TAOK1: variants seen among roughly 807,000 people sequenced by gnomAD.
TAOK1 encodes serine/threonine-protein kinase TAO1.
TAOK1 carries 21 observed loss-of-function variants against 138.3 expected under a neutral mutation model. The ratio of observed to expected loss-of-function variants is 0.15; its 90% CI spans 0.11 to 0.22. The LOEUF is 0.22. Among genes scored for constraint, TAOK1 ranks in the 10% least tolerant of loss-of-function variants. The pLI is 1.00. For synonymous variants in TAOK1, 361 were observed against 398.4 expected (o/e 0.91, Z 1.12); for missense variants, 651 against 1,227.7 (o/e 0.53, Z 7.02).
At chr17:29,522,549 G>A (rs1277560837) in intron 17 of TAOK1, 30 bp downstream of exon 17, 1 of 1,611,368 alleles carries the variant, frequency 6.2e-7, no homozygotes, top group Non-Finnish European at 8.5e-7. Context: ...TTTGATAACA[G>A]GGAGGAGAAT....
At position 29,516,932 on chromosome 17, in the gene TAOK1, C is replaced by T. The variant is rs144976394; in HGVS notation, c.1705-521C>T. Among the ~76,000 whole-genome samples the T allele has an allele frequency of 1.1e-3, 164 of 152,202 alleles. 3 individuals are homozygous for T. In the East Asian group the frequency reaches 0.029, roughly 27 times the overall value. ...CTGCCTCCTGGGCTCAAGCAATTCT[C>T]CTGCCTCAGCCTGCTGAGTAGCTGG... On this transcript the variant is annotated intron_variant, in intron 15 of 19. Transcript: ENST00000261716.
intron 2 of TAOK1, among the ~76,000 whole-genome samples, chr17:29,463,047 T>C (rs566558301): frequency 6.6e-6 from 1 of 152,344 alleles, no homozygotes; most frequent in East Asian, 1.9e-4. Context: ...TACTTTCTAC[T>C]AGAACATTCC....
intron 1 of TAOK1, among the ~76,000 whole-genome samples, chr17:29,446,210 C>G (rs1360731773): frequency 6.6e-6 from 1 of 152,104 alleles, no homozygotes; most frequent in Non-Finnish European, 1.5e-5. Context: ...CTGCTTCCTC[C>G]CAAATAACCA....
chr17:29,502,130 C>A (rs2031541628), intron 12 of TAOK1, among the ~76,000 whole-genome samples: 1 of 152,200 alleles, frequency 6.6e-6, no homozygotes, highest in Non-Finnish European at 1.5e-5. Context: ...CAAATAATTT[C>A]TTCTAATTAT....
intron 18 of TAOK1, among the ~76,000 whole-genome samples, chr17:29,533,829 T>TGGAAAGAGAGGGAGAGGGAGACCGG (rs1278762568): frequency 1.1e-4 from 11 of 102,360 alleles, no homozygotes; most frequent in Admixed American, 3.5e-4. Context: ...AGGGAGACCG[T>TGGAAAGAGAGGGAGAGGGAGACCGG]GGGGAGAGGG....
intron 1 of TAOK1, among the ~76,000 whole-genome samples, chr17:29,397,626 A>ACATGTATATATG (rs58767952): frequency 9.3e-6 from 1 of 107,460 alleles, no homozygotes; most frequent in South Asian, 3.0e-4. Context: ...ATATATATAT[A>ACATGTATATATG]TATACATGTA....
chr17:29,411,252 C>A (rs1212810560), intron 1 of TAOK1, among the ~76,000 whole-genome samples: 1 of 149,146 alleles, frequency 6.7e-6, no homozygotes, highest in Admixed American at 6.7e-5. Flanking sequence ...CCACTACGCC[C>A]GGCTAATTTT....
chr17:29,409,330 TA>T (rs1462469960), intron 1 of TAOK1, among the ~76,000 whole-genome samples: 254 of 54,946 alleles, frequency 4.6e-3, no homozygotes, highest in South Asian at 9.5e-3. Flanking sequence ...TATATATATA[TA>T]TATTTTTTTT....
At chr17:29,534,594 T>G (rs939192087) in intron 19 of TAOK1, among the ~76,000 whole-genome samples, 3 of 152,208 alleles carry the variant, frequency 2.0e-5, no homozygotes, top group African/African-American at 7.2e-5. Flanking sequence ...TATGGCTCTA[T>G]TTTCCTCACT....
intron 2 of TAOK1, among the ~76,000 whole-genome samples, chr17:29,460,548 T>C (rs1353095571): frequency 6.6e-6 from 1 of 152,186 alleles, no homozygotes; most frequent in African/African-American, 2.4e-5. Flanking sequence ...ATCAAGGGTA[T>C]AGTGGGAACT....
In TAOK1 at chr17:29,548,627, C is replaced by G. The variant is rs1396102876; in HGVS notation, c.*5605C>G. On this transcript the variant is annotated 3_prime_UTR_variant, in exon 20 of 20. Coordinates refer to ENST00000261716, the MANE Select transcript of TAOK1 (RefSeq NM_020791.4). ...GGTATCTTGATACCCAGAATTCCCC[C>G]CAAAGTACGGGTAATTCAACCTGCA... 6.6e-6 allele frequency: 1 copy of G among 152,064 alleles called. No individual in the cohort carries two copies. Among genetic ancestry groups the G allele is most frequent in the Admixed American group, 6.6e-5 (1 of 15,260 alleles). The allele number at this position is 152,064 out of a possible 1,614,324, so 9.4% of individuals were successfully genotyped here. A position where few individuals can be genotyped will look rare whatever the true frequency, so the allele number is the denominator to read the frequency against.
chr17:29,502,975 A>G (rs1281160300), intron 13 of TAOK1, among the ~76,000 whole-genome samples: 1 of 152,244 alleles, frequency 6.6e-6, no homozygotes, highest in Non-Finnish European at 1.5e-5. Context: ...ACTACAAGGC[A>G]CTAAAGAGGA....
chr17:29,433,777 G>T (rs1905932555), intron 1 of TAOK1, among the ~76,000 whole-genome samples: 1 of 152,126 alleles, frequency 6.6e-6, no homozygotes, highest in South Asian at 2.1e-4. Context: ...CAGGCTTGTT[G>T]TAGTTTCTCT....
chr17:29,533,726 A>G (rs2032171593), intron 18 of TAOK1, among the ~76,000 whole-genome samples: 1 of 149,126 alleles, frequency 6.7e-6, no homozygotes, highest in African/African-American at 2.5e-5. Flanking sequence ...CTGCAATCGC[A>G]GGCACTCGGC....
intron 1 of TAOK1, among the ~76,000 whole-genome samples, chr17:29,433,697 A>C (rs1905928412): frequency 6.7e-6 from 1 of 148,636 alleles, no homozygotes; most frequent in Non-Finnish European, 1.5e-5. Context: ...GGTTCCACAC[A>C]GGAAGTGGAG....
chr17:29,513,526 C>A (rs1375160639), intron 15 of TAOK1: 1 of 152,088 alleles, frequency 6.6e-6, no homozygotes, highest in African/African-American at 2.4e-5. Flanking sequence ...AATGCATTTT[C>A]TTTTAGAAGC....
intron 2 of TAOK1, among the ~76,000 whole-genome samples, chr17:29,453,181 A>T (rs943922630): frequency 1.5e-5 from 2 of 135,430 alleles, no homozygotes; most frequent in Non-Finnish European, 3.1e-5. Flanking sequence ...TTTTTTTGAG[A>T]TGGAGTCTCG....
intron 10 of TAOK1, among the ~76,000 whole-genome samples, chr17:29,493,972 A>G (rs2153027845): frequency 6.6e-6 from 1 of 151,994 alleles, no homozygotes; most frequent in East Asian, 1.9e-4. Context: ...GCTGGAGTGC[A>G]GTTACATGAT....
chr17:29,435,945 A>C (rs925201910), intron 1 of TAOK1, among the ~76,000 whole-genome samples: 1 of 152,200 alleles, frequency 6.6e-6, no homozygotes, highest in Non-Finnish European at 1.5e-5. Context: ...CCTGGCCAAC[A>C]TGGTGAAACC....
Sources: gnomAD v4.1 joint callset for allele counts (sites outside exome capture counted in the v4.1 genomes callset) on GRCh38, gnomAD v4.1.1 for gene constraint, MANE v1.5 for transcripts, NCBI Gene and HGNC (gene_info 2026-07-23, HGNC 2026-07-21) for gene names.